The following UBXN7 variants were observed in gnomAD, a reference collection of about 807,000 sequenced individuals.
UBXN7 encodes UBX domain protein 7.
In UBXN7, 9 loss-of-function variants were observed where a neutral mutation model predicts 58.0. The ratio of observed to expected loss-of-function variants is 0.16; its 90% CI spans 0.09 to 0.27. The LOEUF (loss-of-function observed/expected upper bound fraction) is 0.27, where lower values mean the gene tolerates loss of function less well. Among genes scored for constraint, UBXN7 ranks in the 10% least tolerant of loss-of-function variants. The pLI, the probability that UBXN7 is intolerant of heterozygous loss-of-function variation, is 1.00. For synonymous variants in UBXN7, 208 were observed against 205.0 expected (o/e 1.01, Z -0.12); for missense variants, 328 against 599.6 (o/e 0.55, Z 4.73).
chr3:196,353,313 G>A lies in UBXN7; in HGVS notation c.*3372C>T, dbSNP rs1056098656. 3 of 152,108 alleles carry A rather than the reference G, an allele frequency of 2.0e-5. No homozygotes were observed. The highest frequency in any genetic ancestry group is 4.8e-5 in the African/African-American group (2 of 41,402). The allele number at this position is 152,108 out of a possible 1,614,324, so 9.4% of individuals were successfully genotyped here. A position where few individuals can be genotyped will look rare whatever the true frequency, so the allele number is the denominator to read the frequency against. On this transcript the variant is annotated 3_prime_UTR_variant, in exon 11 of 11. Coordinates refer to ENST00000296328, the MANE Select transcript of UBXN7 (RefSeq NM_015562.2). ...AAGTATACATTTTGTACGATTCTTCGGGAGATTGAAGAGGCAAATGTACAC... is the reference window on the plus strand; with the variant it reads ...AAGTATACATTTTGTACGATTCTTCAGGAGATTGAAGAGGCAAATGTACAC...
intron 5 of UBXN7, among the ~76,000 whole-genome samples, chr3:196,374,560 A>G (rs1329001325): frequency 6.6e-6 from 1 of 151,908 alleles, no homozygotes; most frequent in Non-Finnish European, 1.5e-5. Flanking sequence ...TTTTCAAACA[A>G]AACAACAATA....
intron 8 of UBXN7, among the ~76,000 whole-genome samples, chr3:196,366,052 C>A (rs1728655590): frequency 6.6e-6 from 1 of 152,048 alleles, no homozygotes; most frequent in African/African-American, 2.4e-5. Flanking sequence ...ACAACAACAA[C>A]AAAATGCTCT....
chr3:196,429,744 C>T (rs973385180), intron 1 of UBXN7, among the ~76,000 whole-genome samples: 2 of 152,172 alleles, frequency 1.3e-5, no homozygotes, highest in Non-Finnish European at 2.9e-5. Flanking sequence ...AACGGTTAAT[C>T]ACTATCTTGT....
At chr3:196,431,754 C>T (rs962087459) in intron 1 of UBXN7, 3 of 450,036 alleles carry the variant, frequency 6.7e-6, no homozygotes, top group Non-Finnish European at 1.3e-5. Flanking sequence ...GCCTGTCCCC[C>T]GTGAAGTGTA....
chr3:196,401,664 C>T (rs548505190), intron 3 of UBXN7, among the ~76,000 whole-genome samples: 8 of 149,798 alleles, frequency 5.3e-5, no homozygotes, highest in East Asian at 2.0e-4. Context: ...CGTGGTGGCT[C>T]GCTCCCGTAA....
At chr3:196,361,797 G>T in intron 10 of UBXN7, 47 bp downstream of exon 10, 1 of 1,530,236 alleles carries the variant, frequency 6.5e-7, no homozygotes, top group Non-Finnish European at 9.0e-7. Context: ...TTTGGGACTC[G>T]TCTTATTGCA....
intron 8 of UBXN7, among the ~76,000 whole-genome samples, chr3:196,367,572 C>T (rs1254673831): frequency 1.3e-5 from 2 of 152,140 alleles, no homozygotes; most frequent in African/African-American, 4.8e-5. Flanking sequence ...AGTTCTAGGA[C>T]AGTCTGGGCA....
Position 196,369,458 on chromosome 3 carries a change from C to T in UBXN7, c.669G>A (p.Gly223=), listed in dbSNP as rs1162034302. Residue 223 remains glycine (G), a synonymous_variant, in exon 7 of 11, where the codon GGG becomes GGA. Coordinates refer to ENST00000296328, the MANE Select transcript of UBXN7 (RefSeq NM_015562.2). ...CCAATATGGAAACATAGGGGAAATC[C>T]CCTAACTTATAAAACTGTATGTATC... ...GQRYIQFYKL[G]DFPYVSILDP... 3.7e-6 allele frequency: 6 copies of T among 1,613,400 alleles called. No homozygotes were observed. Among genetic ancestry groups the T allele is most frequent in the Non-Finnish European group, 5.1e-6 (6 of 1,179,634 alleles).
At position 196,352,983 on chromosome 3, in the gene UBXN7, C is replaced by T. The variant is rs1224890325; in HGVS notation, c.*3702G>A. 1 of 152,174 alleles carries T rather than the reference C, an allele frequency of 6.6e-6. No individual in the cohort carries two copies. The highest frequency in any genetic ancestry group is 2.4e-5 in the African/African-American group (1 of 41,442). 9.4% of individuals were successfully genotyped at this position (152,174 alleles called of 1,614,324 possible). A position where few individuals can be genotyped will look rare whatever the true frequency, so the allele number is the denominator to read the frequency against. On this transcript the variant is annotated 3_prime_UTR_variant, in exon 11 of 11. Coordinates refer to ENST00000296328, the MANE Select transcript of UBXN7 (RefSeq NM_015562.2). The surrounding 1 kb of genome is among the most constrained non-coding windows in gnomAD (Gnocchi z 4.1). ...ATGCCACGTGGCAATTTTACTTTCACATCTTCACCAGTGCATCATTTTAAA... is the reference window on the plus strand; with the variant it reads ...ATGCCACGTGGCAATTTTACTTTCATATCTTCACCAGTGCATCATTTTAAA...
intron 5 of UBXN7, among the ~76,000 whole-genome samples, chr3:196,388,485 T>C (rs951156511): frequency 1.3e-5 from 2 of 151,744 alleles, no homozygotes; most frequent in African/African-American, 2.4e-5. Flanking sequence ...TTTTTTTTTT[T>C]CCAGTCTCTC....
chr3:196,422,864 G>A (rs1404579429), intron 1 of UBXN7, among the ~76,000 whole-genome samples: 1 of 152,110 alleles, frequency 6.6e-6, no homozygotes, highest in Non-Finnish European at 1.5e-5. Context: ...TCCTTCATTT[G>A]ATAAATGCAT....
intron 9 of UBXN7, 76 bp from the exon 10 acceptor site, chr3:196,361,999 GTAAA>G: frequency 1.5e-6 from 2 of 1,355,628 alleles, no homozygotes; most frequent in Non-Finnish European, 2.1e-6. Flanking sequence ...AAATAAATAT[GTAAA>G]TAAATACAGC....
chr3:196,386,146 G>C (rs1401158723), intron 5 of UBXN7, among the ~76,000 whole-genome samples: 1 of 152,018 alleles, frequency 6.6e-6, no homozygotes, highest in East Asian at 1.9e-4. Context: ...GGCGGTGCAA[G>C]ATGTGCTTTG....
chr3:196,400,974 T>C (rs189889970), intron 3 of UBXN7, among the ~76,000 whole-genome samples: 1 of 152,094 alleles, frequency 6.6e-6, no homozygotes, highest in East Asian at 1.9e-4. Flanking sequence ...GCATAATGAC[T>C]ATCTGCAGTG....
rs534437091 is a variant in UBXN7 at position 196,355,179 on chromosome 3, A to G, written c.*1506T>C. On this transcript the variant is annotated 3_prime_UTR_variant, in exon 11 of 11. Coordinates refer to ENST00000296328, the MANE Select transcript of UBXN7 (RefSeq NM_015562.2). Reference sequence around the variant, plus strand: ...TCTGAGGAACATACGCTCCTCAGATAAAAGAATCAATCTAAATCCTCAACT... The same window carrying G: ...TCTGAGGAACATACGCTCCTCAGATGAAAGAATCAATCTAAATCCTCAACT... 6.6e-5 allele frequency: 10 copies of G among 152,356 alleles called. 1 individual carries two copies. Among genetic ancestry groups the G allele is most frequent in the African/African-American group, 2.4e-4 (10 of 41,588 alleles). 9.4% of individuals were successfully genotyped at this position (152,356 alleles called of 1,614,324 possible). A position where few individuals can be genotyped will look rare whatever the true frequency, so the allele number is the denominator to read the frequency against.
In UBXN7 at chr3:196,403,676, T is replaced by C. The variant is rs1730062574; in HGVS notation, c.222-657A>G. Among the ~76,000 whole-genome samples the C allele has an allele frequency of 1.3e-5, 2 of 152,112 alleles. 1 individual carries two copies. Among genetic ancestry groups the C allele is most frequent in the Admixed American group, 1.3e-4 (2 of 15,270 alleles). On this transcript the variant is annotated intron_variant, in intron 2 of 10. Coordinates refer to ENST00000296328, the MANE Select transcript of UBXN7 (RefSeq NM_015562.2). The stretch of plus-strand genomic sequence containing the variant: ...AGGCTTAATAGAAGCAATATCACAT[T>C]ACTACTATATCAAAGAATAATTAAA...
At chr3:196,391,761 T>G in intron 5 of UBXN7, 52 bp downstream of exon 5, 1 of 1,400,468 alleles carries the variant, frequency 7.1e-7, no homozygotes, top group Non-Finnish European at 9.9e-7. Flanking sequence ...AAAAAAGGCA[T>G]TGAAAATGCA....
At chr3:196,360,858 TA>T (rs1225282960) in intron 10 of UBXN7, among the ~76,000 whole-genome samples, 1 of 151,702 alleles carries the variant, frequency 6.6e-6, no homozygotes, top group Non-Finnish European at 1.5e-5. Context: ...AAACCATCTC[TA>T]AAAAAAAGAA....
At chr3:196,375,183 C>CACACACA in intron 5 of UBXN7, among the ~76,000 whole-genome samples, 1 of 139,820 alleles carries the variant, frequency 7.2e-6, no homozygotes, top group South Asian at 2.4e-4. Context: ...GGTGCTCTTA[C>CACACACA]CACACACACA....
Sources: gnomAD v4.1 joint callset for allele counts (sites outside exome capture counted in the v4.1 genomes callset) on GRCh38, gnomAD v4.1.1 for gene constraint, Gnocchi (gnomAD v3.1) non-coding constraint, MANE v1.5 for transcripts, NCBI Gene and HGNC (gene_info 2026-07-23, HGNC 2026-07-21) for gene names.